The following NOTCH1 variants were observed in gnomAD, a reference collection of about 807,000 sequenced individuals.
NOTCH1 encodes the protein neurogenic locus notch homolog protein 1.
In NOTCH1, 37 loss-of-function variants were observed where a neutral mutation model predicts 254.8. The ratio of observed to expected loss-of-function variants is 0.15; its 90% CI spans 0.11 to 0.19. The LOEUF (loss-of-function observed/expected upper bound fraction) is 0.19, where lower values mean the gene tolerates loss of function less well. Among genes scored for constraint, NOTCH1 ranks in the 10% least tolerant of loss-of-function variants. The pLI is 1.00. For synonymous variants in NOTCH1, 1,731 were observed against 1,618.1 expected (o/e 1.07, Z -1.68); for missense variants, 2,972 against 3,708.6 (o/e 0.80, Z 5.16).
intron 4 of NOTCH1, 54 bp downstream of exon 4, chr9:136,522,796 T>C (rs2133377147): frequency 7.0e-7 from 1 of 1,427,462 alleles, no homozygotes; most frequent in Non-Finnish European, 9.2e-7. Context: ...TCCCACCCCC[T>C]GGGCCTGGCA....
chr9:136,501,626 T>G, intron 30 of NOTCH1, 122 bp downstream of exon 30: 2 of 1,215,708 alleles, frequency 1.6e-6, no homozygotes, highest in Non-Finnish European at 2.3e-6. Context: ...ACCCCAAGGA[T>G]GAAAGCTCTC....
chr9:136,520,353 G>A (rs1214956419), intron 4 of NOTCH1, among the ~76,000 whole-genome samples: 6 of 151,996 alleles, frequency 3.9e-5, no homozygotes, highest in African/African-American at 1.5e-4. Flanking sequence ...CACCCCGTCC[G>A]TTCTGTCTGT....
intron 10 of NOTCH1, 108 bp from the exon 11 acceptor site, chr9:136,515,824 G>T: frequency 8.2e-7 from 1 of 1,220,620 alleles, no homozygotes; most frequent in Non-Finnish European, 1.1e-6. Context: ...GGCTCCGAGC[G>T]TGGCATTCCC....
In NOTCH1 at chr9:136,513,629, G is replaced by T; in HGVS notation, c.2208-92C>A. The T allele has an allele frequency of 6.9e-7, 1 of 1,445,186 alleles. No homozygotes were observed. Among genetic ancestry groups the T allele is most frequent in the African/African-American group, 1.4e-5 (1 of 71,552 alleles). 89.5% of individuals were successfully genotyped at this position (1,445,186 alleles called of 1,614,324 possible). A position where few individuals can be genotyped will look rare whatever the true frequency, so the allele number is the denominator to read the frequency against. On this transcript the variant is annotated intron_variant, in intron 13 of 33. Coordinates refer to ENST00000651671, the MANE Select transcript of NOTCH1 (RefSeq NM_017617.5). This position sits in a 1 kb window ranked among gnomAD's most constrained non-coding sequence, Gnocchi z 4.7. ...CGGGTCTGCAATGCCCTATGGGCTG[G>T]CGGAGGTGCCCATCCACTCAGACTC...
intron 12 of NOTCH1, 144 bp from the exon 13 acceptor site, chr9:136,514,846 A>T: frequency 1.1e-6 from 1 of 918,844 alleles, no homozygotes; most frequent in Non-Finnish European, 1.7e-6. Context: ...TTGGATCACA[A>T]TGTGCCATGT....
Position 136,495,926 on chromosome 9 carries a change from TAA to T in NOTCH1, c.*143_*144del. 1.2e-6 allele frequency: 1 copy of T among 867,062 alleles called. No homozygotes were observed. Among genetic ancestry groups the T allele is most frequent in the Non-Finnish European group, 1.7e-6 (1 of 586,782 alleles). The allele number at this position is 867,062 out of a possible 1,614,324, so 53.7% of individuals were successfully genotyped here. A position where few individuals can be genotyped will look rare whatever the true frequency, so the allele number is the denominator to read the frequency against. ...AAAATAAAAGTACATAAATAAATAC[TAA>T]AAAAAATTAAAATCCTCGTTCTTAT... On this transcript the variant is annotated 3_prime_UTR_variant, in exon 34 of 34. Transcript: ENST00000651671.
chr9:136,526,399 C>G (rs926864481), intron 2 of NOTCH1, among the ~76,000 whole-genome samples: 3 of 152,188 alleles, frequency 2.0e-5, no homozygotes, highest in African/African-American at 7.2e-5. Context: ...AGAGGGCGCT[C>G]GGTCATCAAA....
intron 2 of NOTCH1, among the ~76,000 whole-genome samples, chr9:136,530,813 G>A (rs1843547334): frequency 6.6e-6 from 1 of 152,220 alleles, no homozygotes; most frequent in Admixed American, 6.5e-5. Flanking sequence ...GCCCAGCCCT[G>A]CACCCCACGA....
intron 2 of NOTCH1, among the ~76,000 whole-genome samples, chr9:136,530,977 G>A (rs574731141): frequency 2.5e-4 from 38 of 152,356 alleles, no homozygotes; most frequent in African/African-American, 8.9e-4. Context: ...CTCCTGAACA[G>A]ATCCTGTCGC....
intron 19 of NOTCH1, 49 bp from the exon 20 acceptor site, chr9:136,508,434 CCG>C (rs751525115): frequency 1.9e-5 from 31 of 1,611,674 alleles, no homozygotes; most frequent in South Asian, 1.4e-4. Flanking sequence ...GGCCATTTCC[CCG>C]GTAGCTCAGA....
intron 2 of NOTCH1, among the ~76,000 whole-genome samples, chr9:136,536,133 G>A (rs564369883): frequency 6.6e-5 from 10 of 152,222 alleles, no homozygotes; most frequent in Middle Eastern, 3.4e-3. Flanking sequence ...TGCTAGGACC[G>A]CCTATAACCG....
rs2133316297 is a variant in NOTCH1 at position 136,496,634 on chromosome 9, G to A, written c.7105C>T (p.Pro2369Ser). ...LSQMMSYQGL[P>S]STRLATQPHL... ...GGCTGGGTGGCCAGCCGGGTGCTGG[G>A]CAGGCCCTGGTAGCTCATCATCTGG... is the stretch of plus-strand genomic sequence containing the variant. Residue 2369 changes from proline to serine, a missense_variant, in exon 34 of 34, where the codon CCC (proline) becomes TCC (serine). By Grantham distance (74) the Pro-to-Ser change is moderately conservative. Coordinates refer to ENST00000651671, the MANE Select transcript of NOTCH1 (RefSeq NM_017617.5). 1 of 1,613,088 alleles carries A rather than the reference G, an allele frequency of 6.2e-7. No individual in the cohort carries two copies. Among genetic ancestry groups the A allele is most frequent in the Non-Finnish European group, 8.5e-7 (1 of 1,179,982 alleles).
chr9:136,496,588 T>G lies in NOTCH1; in HGVS notation c.7151A>C (p.Gln2384Pro). Residue 2384 changes from glutamine to proline, a missense_variant, in exon 34 of 34, where the codon CAG (glutamine) becomes CCG (proline). Transcript: ENST00000651671. ...ATQPHLVQTQ[Q>P]VQPQNLQMQQ... Reference sequence around the variant, plus strand: ...CATCTGTAAGTTTTGTGGCTGCACCTGCTGGGTCTGCACCAGGTGAGGCTG... The same window carrying G: ...CATCTGTAAGTTTTGTGGCTGCACCGGCTGGGTCTGCACCAGGTGAGGCTG... The G allele has an allele frequency of 6.2e-7, 1 of 1,612,738 alleles. No homozygotes were observed.
intron 26 of NOTCH1, among the ~76,000 whole-genome samples, chr9:136,503,896 C>A (rs2133334608): frequency 6.6e-6 from 1 of 152,384 alleles, no homozygotes; most frequent in Non-Finnish European, 1.5e-5. Flanking sequence ...ACGAAGGGCA[C>A]AACCAACCTG....
At chr9:136,510,974 G>A (rs753593972) in intron 16 of NOTCH1, among the ~76,000 whole-genome samples, 169 bp from the exon 17 acceptor site, 8 of 152,204 alleles carry the variant, frequency 5.3e-5, no homozygotes, top group Non-Finnish European at 1.0e-4. Flanking sequence ...CACAGGAACT[G>A]GAGTTGGGAA....
rs59035110 is a variant in NOTCH1 at position 136,505,564 on chromosome 9, C to G, written c.4332G>C (p.Leu1444=). ...GGAGRDIPPP[L]IEEACELPEC... ...CGGGCAGCTCGCACGCCTCCTCGAT[C>G]AGCGGCGGGGGGATGTCGCGCCCGG... Residue 1444 remains leucine, a synonymous_variant, in exon 25 of 34, where the codon CTG becomes CTC. Coordinates refer to ENST00000651671, the MANE Select transcript of NOTCH1 (RefSeq NM_017617.5). 6.2e-7 allele frequency: 1 copy of G among 1,610,946 alleles called. No individual in the cohort carries two copies.
rs756811995 is a variant in NOTCH1 at position 136,496,763 on chromosome 9, G to A, written c.6976C>T (p.Leu2326=). ...GGGCCTGGTGCCACACTCCCCCGCA[G>A]AGGGTTGTATTGGTTCGGCACCATG... is the stretch of plus-strand genomic sequence containing the variant. ...SGMVPNQYNP[L]RGSVAPGPLS... is the part of the protein sequence containing the mutation. The change falls in exon 34 of 34, where the codon CTG becomes TTG. Residue 2326 remains leucine (L), a synonymous_variant. Transcript: ENST00000651671. 2.5e-6 allele frequency: 4 copies of A among 1,612,890 alleles called. 1 individual carries two copies. The highest frequency in any genetic ancestry group is 3.3e-5 in the Admixed American group (2 of 60,028).
chr9:136,544,193 GCCAA>G, intron 1 of NOTCH1, 91 bp from the exon 2 acceptor site: 2 of 1,215,734 alleles, frequency 1.6e-6, no homozygotes, highest in Non-Finnish European at 2.4e-6. Context: ...CCTGCACCCA[GCCAA>G]GGGGCATCGT....
chr9:136,500,099 A>C (rs1441916871), intron 31 of NOTCH1, among the ~76,000 whole-genome samples: 1 of 152,102 alleles, frequency 6.6e-6, no homozygotes, highest in African/African-American at 2.4e-5. Context: ...TCTTGCCACG[A>C]GCTCACCGGC....
Sources: allele counts gnomAD v4.1 joint callset (sites outside exome capture counted in the v4.1 genomes callset), GRCh38; gene constraint gnomAD v4.1.1; non-coding constraint Gnocchi (gnomAD v3.1); transcripts MANE v1.5; gene names NCBI Gene and HGNC (gene_info 2026-07-23, HGNC 2026-07-21).